The following ANK2 variants were observed in gnomAD, a reference collection of about 807,000 sequenced individuals.
The protein encoded by ANK2 is ankyrin-2.
Under a neutral mutation model 360.5 loss-of-function variants are expected in ANK2, and 83 were observed. The ratio of observed to expected loss-of-function variants is 0.23; its 90% CI spans 0.19 to 0.28. The LOEUF (loss-of-function observed/expected upper bound fraction) is 0.28. ANK2 is among the 10% of genes least tolerant of loss of function. The probability of loss-of-function intolerance (pLI) is 1.00; values close to 1 mark genes in which losing one functional copy is unlikely to be tolerated. For missense variants in ANK2, 4,201 were observed against 4,795.7 expected (o/e 0.88, Z 3.66); for synonymous variants, 1,740 against 1,759.5 (o/e 0.99, Z 0.28).
At chr4:113,033,593 AAGTG>A (rs1304175402) in intron 2 of ANK2, among the ~76,000 whole-genome samples, 1 of 151,854 alleles carries the variant, frequency 6.6e-6, no homozygotes, top group Non-Finnish European at 1.5e-5. Flanking sequence ...TTTGAGAAAA[AAGTG>A]TGTGTGTGCG....
rs61196339 is a variant in ANK2, at chr4:112,921,379, G to GTT, written c.21+16884_21+16885dup. Among the ~76,000 whole-genome samples the GTT allele has an allele frequency of 1.7e-3, 217 of 127,868 alleles. 1 individual carries two copies. The highest frequency in any genetic ancestry group is 0.014 in the East Asian group (62 of 4,536). 83.9% of individuals were successfully genotyped at this position (127,868 alleles called of 152,430 possible). ...TATTTTCTGCATTAGGTTTCTTTAA[G>GTT]TTTTTTTTTTTTTTTTTTTTAACTG... On this transcript the variant is annotated intron_variant, in intron 2 of 30. Coordinates refer to the ANK2 transcript ENST00000503271.
intron 2 of ANK2, among the ~76,000 whole-genome samples, chr4:112,993,332 T>C (rs2047453077): frequency 6.6e-6 from 1 of 152,132 alleles, no homozygotes; most frequent in South Asian, 2.1e-4. Context: ...AGACAGAGTC[T>C]CGCTCTGTCA....
upstream of ANK2, among the ~76,000 whole-genome samples, chr4:113,046,924 T>G (rs1561678619): frequency 6.6e-6 from 1 of 152,192 alleles, no homozygotes; most frequent in Non-Finnish European, 1.5e-5. Flanking sequence ...GTATATTTGT[T>G]TTCAATTTGC....
rs190277640 is a variant in ANK2 at position 113,138,569 on chromosome 4, G to A, written c.85-35847G>A. Among the ~76,000 whole-genome samples, 111 of 152,276 alleles carry A rather than the reference G, an allele frequency of 7.3e-4. 1 individual carries two copies. Among genetic ancestry groups the A allele is most frequent in the South Asian group, 2.5e-3 (12 of 4,830 alleles). ...CTGATGAATGCCTGGCTGCTGCCTG[G>A]AAGTGTATTTTCAATGTCTATGTCT... On this transcript the variant is annotated intron_variant, in intron 1 of 45. Coordinates refer to ENST00000357077, the MANE Select transcript of ANK2 (RefSeq NM_001148.6).
chr4:112,844,798 A>G (rs569572491), intron 1 of ANK2, among the ~76,000 whole-genome samples: 15 of 152,304 alleles, frequency 9.8e-5, no homozygotes, highest in South Asian at 2.1e-4. Flanking sequence ...GAAGAAAGCA[A>G]TTGGTTATTT....
chr4:113,090,854 C>T (rs901327454), intron 1 of ANK2, among the ~76,000 whole-genome samples: 1 of 152,160 alleles, frequency 6.6e-6, no homozygotes, highest in Admixed American at 6.5e-5. Flanking sequence ...CCATTATTTT[C>T]ACTTTCCATA....
intron 1 of ANK2, among the ~76,000 whole-genome samples, chr4:112,832,197 G>A (rs1179847828): frequency 1.3e-5 from 2 of 152,170 alleles, no homozygotes; most frequent in Non-Finnish European, 2.9e-5. Context: ...GACTACAGGC[G>A]TGAGCCACCA....
chr4:112,990,365 AG>A (rs1186497140), intron 2 of ANK2, among the ~76,000 whole-genome samples: 2 of 152,194 alleles, frequency 1.3e-5, no homozygotes. Flanking sequence ...TCTCACTAAT[AG>A]TCAAGGTATA....
At chr4:112,916,738 T>A (rs952123084) in intron 2 of ANK2, among the ~76,000 whole-genome samples, 2 of 152,202 alleles carry the variant, frequency 1.3e-5, no homozygotes, top group African/African-American at 4.8e-5. Context: ...TACACATTTG[T>A]CAGATAAATG....
At chr4:112,884,636 T>C (rs936241244) in intron 1 of ANK2, among the ~76,000 whole-genome samples, 1 of 152,238 alleles carries the variant, frequency 6.6e-6, no homozygotes, top group Non-Finnish European at 1.5e-5. Flanking sequence ...ATTCTAGCTC[T>C]CCAGCACTGC....
intron 14 of ANK2, among the ~76,000 whole-genome samples, chr4:113,269,897 G>A (rs1172330228): frequency 6.6e-6 from 1 of 152,100 alleles, no homozygotes; most frequent in Non-Finnish European, 1.5e-5. Flanking sequence ...GTGATACACG[G>A]GTAGCCTTAA....
intron 18 of ANK2, among the ~76,000 whole-genome samples, chr4:113,283,955 A>G (rs1293607095): frequency 6.6e-6 from 1 of 152,228 alleles, no homozygotes; most frequent in African/African-American, 2.4e-5. Context: ...GAGCTATGAA[A>G]CAGGCAGATT....
intron 2 of ANK2, among the ~76,000 whole-genome samples, chr4:113,023,542 T>C (rs1325963289): frequency 6.6e-6 from 1 of 152,228 alleles, no homozygotes; most frequent in Non-Finnish European, 1.5e-5. Flanking sequence ...TGAAGAAATA[T>C]CATTTCTCAG....
At chr4:113,350,657 A>T (rs2095355043) in intron 37 of ANK2, 1 of 183,546 alleles carries the variant, frequency 5.4e-6, no homozygotes, top group Non-Finnish European at 1.1e-5. Flanking sequence ...AGAGCTCATT[A>T]TTTTTGTAGG....
At position 113,355,005 on chromosome 4, in the gene ANK2, T is replaced by A; in HGVS notation, c.6387T>A (p.Asp2129Glu). Residue 2129 changes from aspartate to glutamate, a missense_variant, in exon 38 of 46, where the codon GAT becomes GAA. Asp to Glu is a conservative substitution (Grantham distance 45). Coordinates refer to ENST00000357077, the MANE Select transcript of ANK2 (RefSeq NM_001148.6). ...QGDMDLQISPDRKTSTDFSEV... is the reference protein window; with the variant it reads ...QGDMDLQISPERKTSTDFSEV... Reference sequence around the variant, plus strand: ...ACATGGATCTACAGATCAGCCCAGATAGGAAAACCTCCACTGACTTCTCTG... The same window carrying A: ...ACATGGATCTACAGATCAGCCCAGAAAGGAAAACCTCCACTGACTTCTCTG... The A allele has an allele frequency of 6.2e-7, 1 of 1,613,864 alleles. No individual in the cohort carries two copies. The highest frequency in any genetic ancestry group is 8.5e-7 in the Non-Finnish European group (1 of 1,179,938).
At chr4:113,369,440 C>A in intron 42 of ANK2, 74 bp from the exon 43 acceptor site, 1 of 1,528,666 alleles carries the variant, frequency 6.5e-7, no homozygotes, top group Non-Finnish European at 9.0e-7. Context: ...TCCATCTTGC[C>A]TTTCGATTTC....
At chr4:112,808,686 T>A in the ANK2 span, among the ~76,000 whole-genome samples, 1 of 152,096 alleles carries the variant, frequency 6.6e-6, no homozygotes, top group African/African-American at 2.4e-5. Flanking sequence ...CAATAATGAC[T>A]TTGAAAATTA....
rs143516811 is a variant in ANK2, at chr4:113,355,251, C to T, written c.6633C>T (p.Ala2211=). 3.5e-4 allele frequency: 564 copies of T among 1,614,018 alleles called. 7 individuals carry two copies. In the South Asian group the frequency reaches 4.0e-3, roughly 11 times the overall value. The change falls in exon 38 of 46, where the codon GCC becomes GCT. Residue 2211 remains alanine (A), a synonymous_variant. Transcript: ENST00000357077. Reference sequence around the variant, plus strand: ...AAAGCCTAAAGAATGAGGGGGTAGCCGGCTCTCCGTGTGGCAGCCTGATGG... The same window carrying T: ...AAAGCCTAAAGAATGAGGGGGTAGCTGGCTCTCCGTGTGGCAGCCTGATGG... ...SSESLKNEGV[A]GSPCGSLMEG... is the part of the protein sequence containing the mutation.
At position 113,343,020 on chromosome 4, in the gene ANK2, T is replaced by C. The variant is rs2094463637; in HGVS notation, c.4126T>C (p.Leu1376=). 1 of 1,613,842 alleles carries C rather than the reference T, an allele frequency of 6.2e-7. No homozygotes were observed. Among genetic ancestry groups the C allele is most frequent in the African/African-American group, 1.3e-5 (1 of 74,934 alleles). The change falls in exon 34 of 46, where the codon TTA becomes CTA. Residue 1376 remains leucine (L), a synonymous_variant. Coordinates refer to ENST00000357077, the MANE Select transcript of ANK2 (RefSeq NM_001148.6). ...ATTTCTCTCTGTTTTCACTCAGGTG[T>C]TAGAAGGAAAACCCATCTACGTTGA... ...EVARSRDVEV[L]EGKPIYVDCF...
Sources: allele counts gnomAD v4.1 joint callset (sites outside exome capture counted in the v4.1 genomes callset), GRCh38; gene constraint gnomAD v4.1.1; transcripts MANE v1.5; gene names NCBI Gene and HGNC (gene_info 2026-07-23, HGNC 2026-07-21).